PKHD1: variants seen among roughly 807,000 people sequenced by gnomAD.
The protein encoded by PKHD1 is fibrocystin.
PKHD1 carries 291 observed loss-of-function variants against 412.0 expected under a neutral mutation model. That is an observed-to-expected ratio of 0.71 (90% CI 0.64 to 0.78). The LOEUF is 0.78. Ranked by LOEUF, PKHD1 falls within the 30% of genes least tolerant of loss-of-function variation. PKHD1 has a pLI of 0.00. For synonymous variants in PKHD1, 1,777 were observed against 1,821.5 expected, an observed-to-expected ratio of 0.98 and a Z score of 0.62; for missense variants, 4,825 against 4,950.7, an observed-to-expected ratio of 0.97 and a Z score of 0.76.
Position 52,084,865 on chromosome 6 carries a change from A to C in PKHD1, c.52+17T>G. The C allele has an allele frequency of 6.5e-7, 1 of 1,531,040 alleles. No individual in the cohort carries two copies. Among genetic ancestry groups the C allele is most frequent in the Non-Finnish European group, 9.1e-7 (1 of 1,104,368 alleles). The allele number at this position is 1,531,040 out of a possible 1,614,324, so 94.8% of individuals were successfully genotyped here. ...TGTGTTCTTACCTATAATTCCTTCAAAACACATTCTACTGACCTGCCAAAA... is the reference window on the plus strand; with the variant it reads ...TGTGTTCTTACCTATAATTCCTTCACAACACATTCTACTGACCTGCCAAAA... On this transcript the variant is annotated intron_variant, in intron 2 of 66. Transcript: ENST00000371117.
chr6:51,894,550 T>G (rs753698569), intron 43 of PKHD1, among the ~76,000 whole-genome samples: 1 of 152,120 alleles, frequency 6.6e-6, no homozygotes, highest in Non-Finnish European at 1.5e-5. Flanking sequence ...ATTCCTTATG[T>G]TGTGGCTGAG....
rs573509662 is a variant in PKHD1 at position 51,688,254 on chromosome 6, T to C, written c.10157-28285A>G. Among the ~76,000 whole-genome samples, 39 of 152,322 alleles carry C rather than the reference T, an allele frequency of 2.6e-4. No homozygotes were observed. The South Asian group carries it at 4.6e-3, about 18-fold the overall frequency. The stretch of plus-strand genomic sequence containing the variant: ...TTTAAGTATAAAATGCCTTGGTTTG[T>C]TAAACACAACCCCATATTGGGGAGA... On this transcript the variant is annotated intron_variant, in intron 60 of 66. Coordinates refer to ENST00000371117, the MANE Select transcript of PKHD1 (RefSeq NM_138694.4).
Position 51,909,439 on chromosome 6 carries a change from T to C in PKHD1, c.6526A>G (p.Lys2176Glu). 1 of 1,613,422 alleles carries C rather than the reference T, an allele frequency of 6.2e-7. No individual in the cohort carries two copies. The highest frequency in any genetic ancestry group is 8.5e-7 in the Non-Finnish European group (1 of 1,179,544). ...CCCATATCCCTGGATCCTAGCATCT[T>C]CTCACTCATGGAATACAAACAGTGC... is the stretch of plus-strand genomic sequence containing the variant. ...LQHCLYSMSE[K>E]MLGSRDMGAR... Residue 2176 changes from lysine (K) to glutamate (E), a missense_variant, in exon 40 of 67, where the codon AAG becomes GAG. By Grantham distance (56) the Lys-to-Glu change is moderately conservative (BLOSUM62 1). Coordinates refer to ENST00000371117, the MANE Select transcript of PKHD1 (RefSeq NM_138694.4).
chr6:51,904,078 T>A, intron 41 of PKHD1, 36 bp from the exon 42 acceptor site: 1 of 1,381,242 alleles, frequency 7.2e-7, no homozygotes, highest in Non-Finnish European at 1.0e-6. Context: ...GAGTATATTT[T>A]ATGTCACTTA....
At position 52,071,298 on chromosome 6, in the gene PKHD1, AACTAGTACT is replaced by A. The variant is rs1177759930; in HGVS notation, c.603-237_603-229del. ...TACCCTAAGCATTTGCCCTAGTGCTAACTAGTACTACCTTAAGCATTTGGTCCTTTCTTT... is the reference window on the plus strand; with the variant it reads ...TACCCTAAGCATTTGCCCTAGTGCTAACCTTAAGCATTTGGTCCTTTCTTT... On this transcript the variant is annotated intron_variant, in intron 8 of 66. Transcript: ENST00000371117. Among the ~76,000 whole-genome samples the A allele has an allele frequency of 3.3e-5, 5 of 151,606 alleles. No individual in the cohort carries two copies. In the East Asian group the frequency reaches 9.9e-4, roughly 30 times the overall value.
intron 55 of PKHD1, among the ~76,000 whole-genome samples, chr6:51,766,884 A>G (rs1351146762): frequency 6.6e-6 from 1 of 151,950 alleles, no homozygotes; most frequent in Non-Finnish European, 1.5e-5. Context: ...CAAATCTATT[A>G]TTTACTGCTG....
At chr6:51,622,019 T>A (rs1465038225) in intron 66 of PKHD1, 9 of 152,258 alleles carry the variant, frequency 5.9e-5, no homozygotes, top group Admixed American at 1.3e-4. Flanking sequence ...GATTTTAAAC[T>A]GTTCCTCCAT....
intron 51 of PKHD1, among the ~76,000 whole-genome samples, chr6:51,832,063 C>A (rs1004745345): frequency 3.9e-5 from 6 of 152,036 alleles, no homozygotes; most frequent in African/African-American, 1.2e-4. Flanking sequence ...ATAGTGAGCA[C>A]CTTCTCTATT....
chr6:51,783,374 A>G (rs995518615), intron 53 of PKHD1, among the ~76,000 whole-genome samples: 3 of 50,562 alleles, frequency 5.9e-5, no homozygotes, highest in African/African-American at 1.5e-4. Flanking sequence ...ATATAAATTT[A>G]TTATTTTATA....
At chr6:51,704,434 A>G (rs544963440) in intron 60 of PKHD1, among the ~76,000 whole-genome samples, 2 of 152,238 alleles carry the variant, frequency 1.3e-5, no homozygotes, top group South Asian at 4.1e-4. Flanking sequence ...TCAGATTAAC[A>G]TTTTAGAAAA....
chr6:51,934,300 G>C lies in PKHD1; in HGVS notation c.5931C>G (p.Ala1977=). ...HIKGGKLIFM[A]PGPIELRAHA... Reference sequence around the variant, plus strand: ...GTGCCCTGAGCTCGATGGGTCCTGGGGCCATGAAAATCAGCTTGCCCCCTA... The same window carrying C: ...GTGCCCTGAGCTCGATGGGTCCTGGCGCCATGAAAATCAGCTTGCCCCCTA... Residue 1977 remains alanine, a synonymous_variant, in exon 37 of 67, where the codon GCC becomes GCG. Transcript: ENST00000371117. 1.2e-6 allele frequency: 2 copies of C among 1,612,470 alleles called. No homozygotes were observed. Among genetic ancestry groups the C allele is most frequent in the South Asian group, 2.2e-5 (2 of 91,018 alleles).
At chr6:51,679,434 C>CT (rs58667694) in intron 60 of PKHD1, among the ~76,000 whole-genome samples, 1,530 of 143,580 alleles carry the variant, frequency 0.011, 26 homozygotes, top group African/African-American at 0.024. Context: ...TCCACTAGGA[C>CT]TTTTTTTTTT....
At chr6:51,891,771 T>G (rs1418624104) in intron 43 of PKHD1, among the ~76,000 whole-genome samples, 1 of 150,004 alleles carries the variant, frequency 6.7e-6, no homozygotes, top group Non-Finnish European at 1.5e-5. Context: ...AAAGACAGTA[T>G]GGGGGAGAAA....
chr6:52,042,211 A>T (rs1187777794), intron 27 of PKHD1, among the ~76,000 whole-genome samples: 1 of 152,212 alleles, frequency 6.6e-6, no homozygotes, highest in Admixed American at 6.5e-5. Context: ...AGGGTCAGAA[A>T]AAAATCTGTT....
intron 64 of PKHD1, among the ~76,000 whole-genome samples, chr6:51,636,918 T>C (rs1024825892): frequency 6.6e-6 from 1 of 152,160 alleles, no homozygotes; most frequent in African/African-American, 2.4e-5. Context: ...ACAGACTTGA[T>C]CTTGAAAATT....
intron 43 of PKHD1, 81 bp from the exon 44 acceptor site, chr6:51,887,326 C>T: frequency 3.5e-6 from 3 of 849,822 alleles, no homozygotes; most frequent in Non-Finnish European, 6.1e-6. Flanking sequence ...TGTTTGTACT[C>T]ATCCCAATTT....
At chr6:51,806,485 C>T (rs1763806777) in intron 52 of PKHD1, among the ~76,000 whole-genome samples, 1 of 152,120 alleles carries the variant, frequency 6.6e-6, no homozygotes, top group African/African-American at 2.4e-5. Context: ...ATAGAGGATT[C>T]TCTCTGAGTT....
chr6:51,727,668 G>C (rs1401807109), intron 60 of PKHD1, among the ~76,000 whole-genome samples: 1 of 152,198 alleles, frequency 6.6e-6, no homozygotes, highest in African/African-American at 2.4e-5. Flanking sequence ...ATGCCCATCT[G>C]AGGCTTTCTT....
intron 13 of PKHD1, among the ~76,000 whole-genome samples, chr6:52,062,908 A>T (rs530093227): frequency 6.6e-6 from 1 of 152,280 alleles, no homozygotes; most frequent in African/African-American, 2.4e-5. Context: ...TAGAAAAGAG[A>T]ATCAAGTCCT....
Sources: gnomAD v4.1 joint callset for allele counts (sites outside exome capture counted in the v4.1 genomes callset) on GRCh38, gnomAD v4.1.1 for gene constraint, MANE v1.5 for transcripts, NCBI Gene and HGNC (gene_info 2026-07-23, HGNC 2026-07-21) for gene names.